Variants in IL1RAPL1 observed in about 807,000 individuals in gnomAD.
The protein encoded by IL1RAPL1 is interleukin-1 receptor accessory protein-like 1.
IL1RAPL1 carries 3 observed loss-of-function variants against 48.4 expected under a neutral mutation model. The observed-to-expected ratio is 0.06, with a 90% CI of 0.03 to 0.16. The LOEUF (loss-of-function observed/expected upper bound fraction) is 0.16, where lower values mean the gene tolerates loss of function less well. Ranked by LOEUF, IL1RAPL1 falls within the 10% of genes least tolerant of loss-of-function variation. IL1RAPL1 has a pLI of 1.00. For synonymous variants in IL1RAPL1, 185 were observed against 187.7 expected (o/e 0.99, Z 0.12); for missense variants, 349 against 530.6 (o/e 0.66, Z 3.36).
chrX:29,803,553 GTA>G (rs1482325414), intron 6 of IL1RAPL1, among the ~76,000 whole-genome samples: 1 of 98,017 alleles, frequency 1.0e-5, no homozygotes, highest in Non-Finnish European at 2.0e-5. Context: ...GTATATGTGT[GTA>G]TATATGTATA....
chrX:28,648,438 G>A (rs761788778), intron 1 of IL1RAPL1, among the ~76,000 whole-genome samples: 1 of 111,626 alleles, frequency 9.0e-6, no homozygotes. Flanking sequence ...TATGTCATAG[G>A]GTTGTCATGA....
At chrX:29,047,693 G>A (rs5943476) in intron 2 of IL1RAPL1, among the ~76,000 whole-genome samples, 14,579 of 107,186 alleles carry the variant, frequency 0.14, 963 homozygotes, top group Non-Finnish European at 0.19. Flanking sequence ...GTTTAATGGA[G>A]GCATACATCT....
At chrX:29,570,094 G>A (rs1056520961) in intron 5 of IL1RAPL1, among the ~76,000 whole-genome samples, 5 of 112,142 alleles carry the variant, frequency 4.5e-5, no homozygotes, top group Non-Finnish European at 9.4e-5. Context: ...TGCCTCATCA[G>A]ACGGATGCAT....
intron 6 of IL1RAPL1, among the ~76,000 whole-genome samples, chrX:29,710,834 T>C (rs1927322302): frequency 9.3e-6 from 1 of 107,686 alleles, no homozygotes; most frequent in African/African-American, 3.3e-5. Flanking sequence ...GAAATCTTGT[T>C]ATCTGCTAGA....
chrX:28,963,172 A>G (rs892304630), intron 2 of IL1RAPL1, among the ~76,000 whole-genome samples: 2 of 111,392 alleles, frequency 1.8e-5, no homozygotes, highest in African/African-American at 6.5e-5. Flanking sequence ...GCACTGCCTC[A>G]ACGTTATTTG....
intron 2 of IL1RAPL1, among the ~76,000 whole-genome samples, chrX:28,908,572 C>A (rs1391479863): frequency 9.0e-6 from 1 of 111,638 alleles, no homozygotes; most frequent in African/African-American, 3.2e-5. Flanking sequence ...TATTTCTATT[C>A]CTTTATATTT....
At chrX:29,021,125 A>C (rs1247561527) in intron 2 of IL1RAPL1, among the ~76,000 whole-genome samples, 1 of 107,427 alleles carries the variant, frequency 9.3e-6, no homozygotes, top group African/African-American at 3.4e-5. Context: ...AGGCAGGAGA[A>C]TCACTTGAAC....
At chrX:28,899,208 G>A (rs1923010714) in intron 2 of IL1RAPL1, among the ~76,000 whole-genome samples, 2 of 111,332 alleles carry the variant, frequency 1.8e-5, no homozygotes, top group African/African-American at 6.5e-5. Context: ...ACAGCATGGG[G>A]GAAGCAGCCC....
intron 2 of IL1RAPL1, among the ~76,000 whole-genome samples, chrX:28,904,719 A>G (rs1923172402): frequency 8.9e-6 from 1 of 112,212 alleles, no homozygotes; most frequent in African/African-American, 3.2e-5. Context: ...AAACTAAATT[A>G]TCTTAAAGGT....
chrX:28,600,636 G>A (rs1379346661), intron 1 of IL1RAPL1, among the ~76,000 whole-genome samples: 3 of 110,886 alleles, frequency 2.7e-5, no homozygotes, highest in South Asian at 3.9e-4. Context: ...GAAAGTTGGC[G>A]GAAGGCACAG....
At chrX:29,818,029 A>C (rs769009182) in intron 6 of IL1RAPL1, among the ~76,000 whole-genome samples, 1 of 112,356 alleles carries the variant, frequency 8.9e-6, no homozygotes, top group South Asian at 3.7e-4. Context: ...GTTCTAGAGT[A>C]AACCATGAGC....
intron 6 of IL1RAPL1, among the ~76,000 whole-genome samples, chrX:29,902,789 G>T (rs982719697): frequency 9.0e-6 from 1 of 111,213 alleles, no homozygotes; most frequent in Admixed American, 9.6e-5. Flanking sequence ...CAATTGAGTT[G>T]CTTTGTTCCT....
At chrX:29,284,530 G>A (rs138114810) in intron 3 of IL1RAPL1, among the ~76,000 whole-genome samples, 2 of 111,871 alleles carry the variant, frequency 1.8e-5, no homozygotes, top group African/African-American at 6.5e-5. Flanking sequence ...ATCACTTTAG[G>A]CGAGGAGTTC....
rs143605871 is a variant in IL1RAPL1 at position 29,364,755 on chromosome X, A to G, written c.363-31503A>G. On this transcript the variant is annotated intron_variant, in intron 3 of 10. Coordinates refer to ENST00000378993, the MANE Select transcript of IL1RAPL1 (RefSeq NM_014271.4). ...GTAATCCAGAAATTACTTAAAGTAT[A>G]CAGGAGGATGTGCATAAGTTATATG... Among the ~76,000 whole-genome samples, 679 of 110,853 alleles carry G rather than the reference A, an allele frequency of 6.1e-3. 1 individual carries two copies. Among genetic ancestry groups the G allele is most frequent in the Non-Finnish European group, 0.01 (539 of 53,029 alleles).
chrX:28,774,238 G>A (rs1368829000), intron 1 of IL1RAPL1, among the ~76,000 whole-genome samples: 1 of 110,414 alleles, frequency 9.1e-6, no homozygotes, highest in Admixed American at 9.6e-5. Context: ...ATATGTACCT[G>A]CAGATTATAT....
chrX:28,656,523 T>C (rs1009822911), intron 1 of IL1RAPL1, among the ~76,000 whole-genome samples: 2 of 110,118 alleles, frequency 1.8e-5, no homozygotes, highest in Non-Finnish European at 3.8e-5. Context: ...ATCCTTGTCA[T>C]AAAGCCCCAT....
intron 2 of IL1RAPL1, among the ~76,000 whole-genome samples, chrX:29,084,309 AT>A (rs1157943017): frequency 8.9e-6 from 1 of 112,289 alleles, no homozygotes; most frequent in African/African-American, 3.2e-5. Context: ...TATAGCTGTA[AT>A]TTTTTTATCA....
chrX:29,031,097 G>T (rs1569223139), intron 2 of IL1RAPL1, among the ~76,000 whole-genome samples: 1 of 111,703 alleles, frequency 9.0e-6, no homozygotes, highest in African/African-American at 3.2e-5. Flanking sequence ...ATTATTAGTG[G>T]TTTACTTTTG....
chrX:28,900,416 G>T (rs1337157757), intron 2 of IL1RAPL1, among the ~76,000 whole-genome samples: 1 of 111,376 alleles, frequency 9.0e-6, no homozygotes, highest in Non-Finnish European at 1.9e-5. Flanking sequence ...AGGCTAAGAT[G>T]GTTACTCTAA....
Sources: gnomAD v4.1 joint callset for allele counts (sites outside exome capture counted in the v4.1 genomes callset) on GRCh38, gnomAD v4.1.1 for gene constraint, MANE v1.5 for transcripts, NCBI Gene and HGNC (gene_info 2026-07-23, HGNC 2026-07-21) for gene names.